The following GAN variants were observed in gnomAD, a reference collection of about 807,000 sequenced individuals.
The protein encoded by GAN is epididymis secretory sperm binding protein.
A neutral mutation model predicts 71.3 loss-of-function variants in GAN; 48 were observed. The ratio of observed to expected loss-of-function variants is 0.67; its 90% CI spans 0.53 to 0.86. The LOEUF (loss-of-function observed/expected upper bound fraction) is 0.86, where lower values mean the gene tolerates loss of function less well. GAN is among the 40% of genes least tolerant of loss of function. The pLI is 0.00. For missense variants in GAN, 928 were observed against 770.1 expected (o/e 1.21, Z -2.43); for synonymous variants, 386 against 276.8 (o/e 1.39, Z -3.92).
chr16:81,369,844 A>G (rs557006496), intron 9 of GAN, among the ~76,000 whole-genome samples: 1 of 152,338 alleles, frequency 6.6e-6, no homozygotes, highest in South Asian at 2.1e-4. Flanking sequence ...TGCTGGGATT[A>G]CAGGCATGAG....
intron 2 of GAN, among the ~76,000 whole-genome samples, chr16:81,351,906 T>G (rs1350948326): frequency 6.6e-6 from 1 of 152,184 alleles, no homozygotes; most frequent in African/African-American, 2.4e-5. Flanking sequence ...AAGTAAGATC[T>G]TAGACTCAAA....
At chr16:81,376,008 A>G (rs756668753) in intron 9 of GAN, among the ~76,000 whole-genome samples, 9 of 151,982 alleles carry the variant, frequency 5.9e-5, no homozygotes, top group Non-Finnish European at 1.2e-4. Context: ...AAAATGACCA[A>G]TAAGCTCAGG....
chr16:81,350,518 A>ATTT lies in GAN; in HGVS notation c.168-1052_168-1050dup, dbSNP rs11430822. On this transcript the variant is annotated intron_variant, in intron 1 of 10. Transcript: ENST00000648994. ...GTTTATTTATTTATTTACTTACTTA[A>ATTT]TTTTTTTTTTTTTTTGAGGCAGAGT... is the stretch of plus-strand genomic sequence containing the variant. Among the ~76,000 whole-genome samples the ATTT allele has an allele frequency of 1.9e-3, 269 of 145,184 alleles. 2 individuals are homozygous for ATTT. Among genetic ancestry groups the ATTT allele is most frequent in the Admixed American group, 4.5e-3 (65 of 14,552 alleles).
At chr16:81,320,341 T>G (rs77431945) in intron 1 of GAN, among the ~76,000 whole-genome samples, 18,304 of 152,276 alleles carry the variant, frequency 0.12, 1,422 homozygotes, top group Admixed American at 0.17. Flanking sequence ...AGCCTGCTTT[T>G]CATCCCCAGT....
intron 2 of GAN, among the ~76,000 whole-genome samples, chr16:81,354,156 G>A (rs1910403516): frequency 6.6e-6 from 1 of 152,016 alleles, no homozygotes; most frequent in Admixed American, 6.5e-5. Flanking sequence ...AGGGTTATTG[G>A]TGGTTGACAT....
In GAN at chr16:81,354,242, A is replaced by G. The variant is rs564581942; in HGVS notation, c.283-163A>G. ...TATGTTGGTGCCTTCCAACTCTTGG[A>G]AAAAAAAAAAAAAATGCTGGGTTAA... On this transcript the variant is annotated intron_variant, in intron 2 of 10. Transcript: ENST00000648994. 5.3e-4 allele frequency among the ~76,000 whole-genome samples: 12 copies of G among 22,656 alleles called. No individual in the cohort carries two copies. In the East Asian group the frequency reaches 0.013, roughly 24 times the overall value. The allele number at this position is 22,656 out of a possible 152,430, so 14.9% of individuals were successfully genotyped here.
At chr16:81,355,590 T>C (rs1429740720) in intron 3 of GAN, among the ~76,000 whole-genome samples, 1 of 152,200 alleles carries the variant, frequency 6.6e-6, no homozygotes, top group East Asian at 1.9e-4. Context: ...CTCAAACTCC[T>C]GTGCTCAAGC....
chr16:81,368,300 T>A (rs8063731), intron 9 of GAN, among the ~76,000 whole-genome samples: 2 of 152,272 alleles, frequency 1.3e-5, no homozygotes, highest in African/African-American at 4.8e-5. Flanking sequence ...TCATCCATGT[T>A]CAAAAAAGGG....
At chr16:81,377,359 T>A (rs1567501302) in intron 10 of GAN, 31 bp downstream of exon 10, 1 of 1,591,458 alleles carries the variant, frequency 6.3e-7, no homozygotes, top group East Asian at 2.2e-5. Context: ...TTCTTGGAAC[T>A]GTTTCCTGGT....
At chr16:81,369,646 C>T (rs747332057) in intron 9 of GAN, among the ~76,000 whole-genome samples, 1 of 152,186 alleles carries the variant, frequency 6.6e-6, no homozygotes, top group Non-Finnish European at 1.5e-5. Context: ...GGCTGGAGTG[C>T]AGTGGCGTGA....
chr16:81,346,764 G>C (rs951055784), intron 1 of GAN, among the ~76,000 whole-genome samples: 8 of 152,290 alleles, frequency 5.3e-5, no homozygotes, highest in Middle Eastern at 3.4e-3. Flanking sequence ...TCAGGGTGTG[G>C]TTGCAGCTGT....
At chr16:81,338,086 GA>G (rs768074862) in intron 1 of GAN, among the ~76,000 whole-genome samples, 13 of 152,138 alleles carry the variant, frequency 8.5e-5, no homozygotes, top group Non-Finnish European at 1.6e-4. Context: ...GCAGAGAGGG[GA>G]AATGTCTTGC....
At chr16:81,338,484 A>G (rs145468049) in intron 1 of GAN, among the ~76,000 whole-genome samples, 2 of 152,332 alleles carry the variant, frequency 1.3e-5, no homozygotes, top group African/African-American at 4.8e-5. Context: ...TCTCAGTTAT[A>G]TGTGGCAGAG....
At chr16:81,336,165 C>G (rs1459373544) in intron 1 of GAN, among the ~76,000 whole-genome samples, 1 of 152,162 alleles carries the variant, frequency 6.6e-6, no homozygotes, top group East Asian at 1.9e-4. Context: ...GGGCAGCTCA[C>G]CTGTAGGCCC....
At chr16:81,376,648 A>T (rs1019947961) in intron 9 of GAN, among the ~76,000 whole-genome samples, 1 of 150,764 alleles carries the variant, frequency 6.6e-6, no homozygotes, top group African/African-American at 2.5e-5. Flanking sequence ...GTGTGTATAT[A>T]TGTGTGTATA....
chr16:81,320,326 T>A (rs1477237337), intron 1 of GAN, among the ~76,000 whole-genome samples: 1 of 152,358 alleles, frequency 6.6e-6, no homozygotes, highest in East Asian at 1.9e-4. Context: ...ATGTGGTGTG[T>A]GCAGAGCCTG....
chr16:81,319,095 C>G (rs1909140111), intron 1 of GAN, among the ~76,000 whole-genome samples: 1 of 151,736 alleles, frequency 6.6e-6, no homozygotes, highest in Non-Finnish European at 1.5e-5. Flanking sequence ...GCGGGAGGAT[C>G]CCTTGACCCC....
At chr16:81,329,147 C>T (rs541159270) in intron 1 of GAN, among the ~76,000 whole-genome samples, 2 of 152,102 alleles carry the variant, frequency 1.3e-5, no homozygotes, top group South Asian at 2.1e-4. Flanking sequence ...CCTGTTCCCC[C>T]ACCCTTTTTC....
In GAN at chr16:81,377,594, TGAG is replaced by T. The variant is rs781299447; in HGVS notation, c.*4_*6del. 5.3e-5 allele frequency: 86 copies of T among 1,613,786 alleles called. No individual in the cohort carries two copies. The South Asian group carries it at 9.1e-4, about 17-fold the overall frequency. The stretch of plus-strand genomic sequence containing the variant: ...ATTCCGTATTCGTGTTCATTCCCCT[TGAG>T]GAGGAAGCAGAGCAGAGTGCGAGAT... On this transcript the variant is annotated stop_retained_variant and 3_prime_UTR_variant, in exon 11 of 11. Coordinates refer to ENST00000648994, the MANE Select transcript of GAN (RefSeq NM_022041.4).
Sources: gnomAD v4.1 joint callset for allele counts (sites outside exome capture counted in the v4.1 genomes callset) on GRCh38, gnomAD v4.1.1 for gene constraint, MANE v1.5 for transcripts, NCBI Gene and HGNC (gene_info 2026-07-23, HGNC 2026-07-21) for gene names.